Variants in FAT3 observed in about 807,000 individuals in gnomAD.
The protein encoded by FAT3 is protocadherin Fat 3.
In FAT3, 95 loss-of-function variants were observed where a neutral mutation model predicts 310.2. That is an observed-to-expected ratio of 0.31 (90% CI 0.26 to 0.36). The LOEUF (loss-of-function observed/expected upper bound fraction) is 0.36, where lower values mean the gene tolerates loss of function less well. Among genes scored for constraint, FAT3 ranks in the 10% least tolerant of loss-of-function variants. The pLI, the probability that FAT3 is intolerant of heterozygous loss-of-function variation, is 1.00. For missense variants in FAT3, 5,408 were observed against 5,715.6 expected (o/e 0.95, Z 1.74); for synonymous variants, 2,314 against 2,192.9 (o/e 1.06, Z -1.54).
At chr11:92,249,659 C>G (rs1383631549) in intron 1 of FAT3, among the ~76,000 whole-genome samples, 1 of 152,020 alleles carries the variant, frequency 6.6e-6, no homozygotes, top group Non-Finnish European at 1.5e-5. Context: ...CATATTCCCT[C>G]CTTCAGCTTC....
chr11:92,569,796 A>C (rs1955605750), intron 3 of FAT3, among the ~76,000 whole-genome samples: 1 of 152,170 alleles, frequency 6.6e-6, no homozygotes, highest in South Asian at 2.1e-4. Flanking sequence ...TGCTGCCTTC[A>C]TTAGGAGCTT....
chr11:92,441,676 A>G (rs773207116), intron 2 of FAT3, among the ~76,000 whole-genome samples: 8 of 152,108 alleles, frequency 5.3e-5, no homozygotes, highest in Non-Finnish European at 8.8e-5. Context: ...AAAACTAAAC[A>G]ATTAGAGGAG....
chr11:92,580,365 CT>C (rs1434013154), intron 3 of FAT3, among the ~76,000 whole-genome samples: 7 of 152,144 alleles, frequency 4.6e-5, no homozygotes, highest in Admixed American at 1.3e-4. Flanking sequence ...TGTTCTTCCC[CT>C]AACACTAGCT....
At chr11:92,492,746 C>T (rs528570614) in intron 2 of FAT3, among the ~76,000 whole-genome samples, 1 of 151,982 alleles carries the variant, frequency 6.6e-6, no homozygotes, top group Non-Finnish European at 1.5e-5. Flanking sequence ...GCTTTGTGAC[C>T]TTGGGTAGGT....
intron 2 of FAT3, among the ~76,000 whole-genome samples, chr11:92,375,980 T>C (rs1479289144): frequency 1.3e-5 from 2 of 152,244 alleles, no homozygotes; most frequent in Admixed American, 1.3e-4. Context: ...CCAAAGTGTT[T>C]TTCTACTCTG....
chr11:92,312,556 C>T (rs943280788), intron 1 of FAT3, among the ~76,000 whole-genome samples: 1 of 152,182 alleles, frequency 6.6e-6, no homozygotes, highest in African/African-American at 2.4e-5. Context: ...TACTAGTAAA[C>T]AGCTGTCCTA....
intron 2 of FAT3, among the ~76,000 whole-genome samples, chr11:92,368,938 A>G (rs1049383442): frequency 5.9e-5 from 9 of 151,322 alleles, no homozygotes; most frequent in African/African-American, 2.2e-4. Context: ...ACACATATAT[A>G]TATACTGTTG....
intron 2 of FAT3, among the ~76,000 whole-genome samples, chr11:92,510,917 C>G (rs1227650420): frequency 6.6e-6 from 1 of 152,182 alleles, no homozygotes; most frequent in Non-Finnish European, 1.5e-5. Context: ...TGGGCATCCT[C>G]ATGAGGAGGA....
At chr11:92,865,142 T>C (rs138011219) in intron 21 of FAT3, among the ~76,000 whole-genome samples, 1 of 152,328 alleles carries the variant, frequency 6.6e-6, no homozygotes, top group African/African-American at 2.4e-5. Context: ...CCCTGACTTC[T>C]AGATACACAT....
chr11:92,700,563 A>G lies in FAT3; in HGVS notation c.3669+3118A>G, dbSNP rs191980655. On this transcript the variant is annotated intron_variant, in intron 4 of 27. Transcript: ENST00000525166. ...TAAGGGCAGTGGATCAAGTAGGTCT[A>G]ACACAAATCCTATCATGATTTCAGC... Among the ~76,000 whole-genome samples, 12 of 152,284 alleles carry G rather than the reference A, an allele frequency of 7.9e-5. No homozygotes were observed. The East Asian group carries it at 2.3e-3, about 29-fold the overall frequency.
chr11:92,407,372 C>T (rs1271355311), intron 2 of FAT3, among the ~76,000 whole-genome samples: 2 of 152,100 alleles, frequency 1.3e-5, no homozygotes, highest in Non-Finnish European at 2.9e-5. Flanking sequence ...TATGCCTTTT[C>T]ACTTCATACA....
chr11:92,483,959 G>GT (rs1952304257), intron 2 of FAT3, among the ~76,000 whole-genome samples: 1 of 152,168 alleles, frequency 6.6e-6, no homozygotes, highest in Non-Finnish European at 1.5e-5. Context: ...TTGCCCACTA[G>GT]TTATTATGAT....
chr11:92,354,110 T>C lies in FAT3; in HGVS notation c.1998T>C (p.Ser666=). 6.2e-7 allele frequency: 1 copy of C among 1,613,822 alleles called. No homozygotes were observed. Among genetic ancestry groups the C allele is most frequent in the Non-Finnish European group, 8.5e-7 (1 of 1,179,830 alleles). Residue 666 remains serine (S), a synonymous_variant, in exon 2 of 28, where the codon TCT becomes TCC. Transcript: ENST00000525166. ...TDGENLADPM[S]INISVLHGKV... ...GAGAGAATCTTGCAGACCCCATGTC[T>C]ATTAACATTTCAGTCCTACATGGGA...
chr11:92,740,398 C>T (rs1287513687), intron 4 of FAT3, among the ~76,000 whole-genome samples: 2 of 152,306 alleles, frequency 1.3e-5, no homozygotes, highest in East Asian at 3.9e-4. Flanking sequence ...AGAAAGTTCA[C>T]CAGCCACTGT....
rs866591449 is a variant in FAT3 at position 92,389,361 on chromosome 11, A to G, written c.3292+33957A>G. 1.6e-4 allele frequency among the ~76,000 whole-genome samples: 25 copies of G among 152,300 alleles called. No individual in the cohort carries two copies. In the Middle Eastern group the frequency reaches 0.017, roughly 104 times the overall value. Reference sequence around the variant, plus strand: ...CATAACGGACCTAACAATGGTGACTACTGTTTTCTGTCCTGATGTCAGGCT... The same window carrying G: ...CATAACGGACCTAACAATGGTGACTGCTGTTTTCTGTCCTGATGTCAGGCT... On this transcript the variant is annotated intron_variant, in intron 2 of 27. Transcript: ENST00000525166.
intron 3 of FAT3, among the ~76,000 whole-genome samples, chr11:92,612,710 G>A (rs995650589): frequency 2.6e-5 from 4 of 152,156 alleles, no homozygotes; most frequent in African/African-American, 4.8e-5. Flanking sequence ...AATAAAATAC[G>A]TTTCAAGGAA....
intron 2 of FAT3, among the ~76,000 whole-genome samples, chr11:92,442,113 T>A (rs867510506): frequency 8.3e-4 from 69 of 82,858 alleles, no homozygotes; most frequent in African/African-American, 1.8e-3. Context: ...ATATATATAT[T>A]TTTTTTTTTT....
chr11:92,278,842 C>A (rs1203974203), intron 1 of FAT3, among the ~76,000 whole-genome samples: 4 of 152,032 alleles, frequency 2.6e-5, no homozygotes, highest in African/African-American at 9.7e-5. Context: ...CTCTGGAGAC[C>A]AGCCCATCTC....
intron 2 of FAT3, among the ~76,000 whole-genome samples, chr11:92,383,605 A>G (rs2134774576): frequency 6.6e-6 from 1 of 152,234 alleles, no homozygotes; most frequent in East Asian, 1.9e-4. Flanking sequence ...GAGGCAAGCC[A>G]CTGGAGACTT....
Sources: allele counts gnomAD v4.1 joint callset (sites outside exome capture counted in the v4.1 genomes callset), GRCh38; gene constraint gnomAD v4.1.1; transcripts MANE v1.5; gene names NCBI Gene and HGNC (gene_info 2026-07-23, HGNC 2026-07-21).